SLIT1: variants seen among roughly 807,000 people sequenced by gnomAD.
The protein encoded by SLIT1 is slit homolog 1 protein.
In SLIT1, 66 loss-of-function variants were observed where a neutral mutation model predicts 186.1. The observed-to-expected ratio is 0.35, with a 90% CI of 0.29 to 0.44. The LOEUF is 0.44. Among genes scored for constraint, SLIT1 ranks in the 20% least tolerant of loss-of-function variants. The pLI is 1.00. For synonymous variants in SLIT1, 761 were observed against 833.8 expected (o/e 0.91, Z 1.50); for missense variants, 1,638 against 2,037.4 (o/e 0.80, Z 3.77).
intron 30 of SLIT1, among the ~76,000 whole-genome samples, chr10:97,011,845 C>T (rs548243973): frequency 3.4e-4 from 52 of 152,152 alleles, no homozygotes; most frequent in African/African-American, 1.2e-3. Context: ...TCCAGAATAC[C>T]GTCTCCTGTC....
chr10:97,033,208 C>T (rs1352629574), intron 23 of SLIT1, among the ~76,000 whole-genome samples: 1 of 152,110 alleles, frequency 6.6e-6, no homozygotes, highest in Non-Finnish European at 1.5e-5. Context: ...ACCACCACAC[C>T]TGACTAATTT....
chr10:97,086,038 T>C (rs576165194), intron 4 of SLIT1, among the ~76,000 whole-genome samples: 1 of 152,362 alleles, frequency 6.6e-6, no homozygotes, highest in South Asian at 2.1e-4. Flanking sequence ...CTTCAGAAGA[T>C]GGTTTGGCAG....
At chr10:97,027,609 C>A (rs985062779) in intron 25 of SLIT1, among the ~76,000 whole-genome samples, 1 of 152,200 alleles carries the variant, frequency 6.6e-6, no homozygotes, top group Non-Finnish European at 1.5e-5. Flanking sequence ...CTAACCTGAT[C>A]TTTACTTATT....
intron 1 of SLIT1, among the ~76,000 whole-genome samples, chr10:97,166,514 C>T (rs1308023251): frequency 1.9e-5 from 1 of 53,384 alleles, no homozygotes; most frequent in Non-Finnish European, 4.2e-5. Flanking sequence ...AAAACTCTGT[C>T]TCCAAAAAAA....
At chr10:97,029,702 G>T (rs1267462388) in intron 25 of SLIT1, among the ~76,000 whole-genome samples, 1 of 152,180 alleles carries the variant, frequency 6.6e-6, no homozygotes, top group Admixed American at 6.5e-5. Context: ...TGTATTCACA[G>T]TGTTGTACAA....
At chr10:97,121,476 C>T (rs1301478129) in intron 4 of SLIT1, among the ~76,000 whole-genome samples, 1 of 152,198 alleles carries the variant, frequency 6.6e-6, no homozygotes, top group Non-Finnish European at 1.5e-5. Flanking sequence ...TTCATACAGT[C>T]TCTTATTTAA....
chr10:97,093,243 A>G (rs1849252105), intron 4 of SLIT1, among the ~76,000 whole-genome samples: 1 of 152,226 alleles, frequency 6.6e-6, no homozygotes, highest in Non-Finnish European at 1.5e-5. Context: ...GGAAGGGGAA[A>G]AGCAGCAAGA....
chr10:97,065,176 G>T (rs1848933688), intron 5 of SLIT1, among the ~76,000 whole-genome samples: 1 of 151,396 alleles, frequency 6.6e-6, no homozygotes, highest in South Asian at 2.1e-4. Context: ...ACACATTTTG[G>T]AGACCACCTA....
intron 5 of SLIT1, chr10:97,065,576 A>G (rs1297526196): frequency 5.8e-5 from 10 of 171,430 alleles, no homozygotes; most frequent in Admixed American, 5.5e-4. Flanking sequence ...CCTGTGAAGT[A>G]GATCTTAGTA....
At chr10:97,047,371 CAAAG>C (rs1848743610) in intron 16 of SLIT1, among the ~76,000 whole-genome samples, 1 of 152,146 alleles carries the variant, frequency 6.6e-6, no homozygotes, top group Non-Finnish European at 1.5e-5. Context: ...ATAAAAATAA[CAAAG>C]AGTTTTGGAA....
At chr10:97,143,633 A>T (rs1849787234) in intron 4 of SLIT1, among the ~76,000 whole-genome samples, 1 of 152,146 alleles carries the variant, frequency 6.6e-6, no homozygotes, top group Non-Finnish European at 1.5e-5. Context: ...TAGAAAAGCC[A>T]CTATTGATGA....
In SLIT1 at chr10:97,043,021, G is replaced by A. The variant is rs1220627635; in HGVS notation, c.2044C>T (p.Leu682=). 1 of 1,614,208 alleles carries A rather than the reference G, an allele frequency of 6.2e-7. No homozygotes were observed. The highest frequency in any genetic ancestry group is 8.5e-7 in the Non-Finnish European group (1 of 1,180,034). The change falls in exon 20 of 37, where the codon CTA becomes TTA. Residue 682 remains leucine (L), a synonymous_variant. Transcript: ENST00000266058. This position sits in a 1 kb window ranked among gnomAD's most constrained non-coding sequence, Gnocchi z 7.0. ...TTGCGCTTCCGTAGCCAGCCTCCTAGCCAGGCCAGCTGGCAGTTGCAGTTG... is the reference window on the plus strand; with the variant it reads ...TTGCGCTTCCGTAGCCAGCCTCCTAACCAGGCCAGCTGGCAGTTGCAGTTG... ...PFNCNCQLAW[L]GGWLRKRKIV... is the part of the protein sequence containing the mutation.
chr10:97,164,842 C>T lies in SLIT1; in HGVS notation c.246G>A (p.Ala82=), dbSNP rs751041739. ...NITRIHKNDF[A]GLKQLRVLQL... ...ACAGCACCCGCAGCTGCTTGAGCCCCGCAAAGTCATTCTTATGGATCCGAG... is the reference window on the plus strand; with the variant it reads ...ACAGCACCCGCAGCTGCTTGAGCCCTGCAAAGTCATTCTTATGGATCCGAG... The change falls in exon 2 of 37, where the codon GCG becomes GCA. Residue 82 remains alanine (A), a synonymous_variant. Coordinates refer to ENST00000266058, the MANE Select transcript of SLIT1 (RefSeq NM_003061.3). 26 of 1,613,496 alleles carry T rather than the reference C, an allele frequency of 1.6e-5. No individual in the cohort carries two copies. The highest frequency in any genetic ancestry group is 1.9e-5 in the Non-Finnish European group (23 of 1,179,640).
chr10:97,149,561 G>C (rs1443287767), intron 4 of SLIT1, among the ~76,000 whole-genome samples: 1 of 152,032 alleles, frequency 6.6e-6, no homozygotes, highest in East Asian at 1.9e-4. Flanking sequence ...GCACGAGCCA[G>C]ATAAAGAGAG....
intron 4 of SLIT1, among the ~76,000 whole-genome samples, chr10:97,100,449 C>A (rs936767049): frequency 6.6e-6 from 1 of 151,894 alleles, no homozygotes; most frequent in South Asian, 2.1e-4. Flanking sequence ...CATGGTGAAA[C>A]GCTGTCTCTA....
chr10:97,141,675 T>TTGTATTG (rs1564686371), intron 4 of SLIT1, among the ~76,000 whole-genome samples: 2 of 107,100 alleles, frequency 1.9e-5, no homozygotes, highest in Non-Finnish European at 3.7e-5. Flanking sequence ...TTGCATTGTA[T>TTGTATTG]CGTATTGTAT....
At chr10:97,119,186 C>T (rs1453101244) in intron 4 of SLIT1, among the ~76,000 whole-genome samples, 1 of 152,218 alleles carries the variant, frequency 6.6e-6, no homozygotes, top group Non-Finnish European at 1.5e-5. Flanking sequence ...TTCCTGTAAA[C>T]CCATGGGAAA....
chr10:97,085,889 G>C (rs1011688191), intron 4 of SLIT1, among the ~76,000 whole-genome samples: 1 of 152,186 alleles, frequency 6.6e-6, no homozygotes, highest in Non-Finnish European at 1.5e-5. Flanking sequence ...AGGGGTCTGC[G>C]ATGTTTTGAC....
chr10:97,185,614 G>T lies in SLIT1; in HGVS notation c.61C>A (p.Leu21Met). The change falls in exon 1 of 37, where the codon CTG (leucine) becomes ATG (methionine). Residue 21 changes from leucine (L) to methionine (M), a missense_variant. Physicochemically the swap from Leu to Met is conservative, Grantham distance 15. Transcript: ENST00000266058. ...AGPVRPELWL[L>M]LWAAAWRLGA... ...AGGCGCCACGCGGCTGCCCACAGCA[G>T]CAGCCAGAGCTCCGGCCGGACCGGC... 6.4e-7 allele frequency: 1 copy of T among 1,569,496 alleles called. No homozygotes were observed. Among genetic ancestry groups the T allele is most frequent in the Non-Finnish European group, 8.6e-7 (1 of 1,159,036 alleles).
Sources: allele counts gnomAD v4.1 joint callset (sites outside exome capture counted in the v4.1 genomes callset), GRCh38; gene constraint gnomAD v4.1.1; non-coding constraint Gnocchi (gnomAD v3.1); transcripts MANE v1.5; gene names NCBI Gene and HGNC (gene_info 2026-07-23, HGNC 2026-07-21).